Variants in EDF1 observed in about 807,000 individuals in gnomAD.
EDF1 encodes endothelial differentiation-related factor 1.
In EDF1, 5 loss-of-function variants were observed where a neutral mutation model predicts 20.8. The ratio of observed to expected loss-of-function variants is 0.24; its 90% CI spans 0.13 to 0.51. The LOEUF (loss-of-function observed/expected upper bound fraction) is 0.51. EDF1 is among the 20% of genes least tolerant of loss of function. The pLI is 0.97. For missense variants in EDF1, 137 were observed against 197.8 expected (o/e 0.69, Z 1.84); for synonymous variants, 96 against 78.5 (o/e 1.22, Z -1.18).
At position 136,863,823 on chromosome 9, in the gene EDF1, T is replaced by C; in HGVS notation, c.127A>G (p.Lys43Glu). ...RRGEDVETSK[K>E]WAAGQNKQHS... ...AAGCGGAAACACAAGTACCTACATTTCTTGGAAGTCTCCACATCTTCTCCT... is the reference window on the plus strand; with the variant it reads ...AAGCGGAAACACAAGTACCTACATTCCTTGGAAGTCTCCACATCTTCTCCT... Residue 43 changes from lysine to glutamate, a missense_variant, in exon 2 of 5, where the codon AAA becomes GAA. Coordinates refer to ENST00000224073, the MANE Select transcript of EDF1 (RefSeq NM_003792.4). This position sits in a 1 kb window ranked among gnomAD's most constrained non-coding sequence, Gnocchi z 4.5. The C allele has an allele frequency of 6.2e-7, 1 of 1,613,916 alleles. No homozygotes were observed. Among genetic ancestry groups the C allele is most frequent in the Non-Finnish European group, 8.5e-7 (1 of 1,179,974 alleles).
intron 1 of EDF1, among the ~76,000 whole-genome samples, chr9:136,865,396 A>G (rs1015746169): frequency 1.3e-5 from 2 of 151,984 alleles, no homozygotes; most frequent in Non-Finnish European, 2.9e-5. Flanking sequence ...CTCCCTGGGC[A>G]GTATCTGACC....
rs561693227 is a variant in EDF1 at position 136,862,189 on chromosome 9, T to C, written c.*95A>G. 7 of 1,530,392 alleles carry C rather than the reference T, an allele frequency of 4.6e-6. No homozygotes were observed. The highest frequency in any genetic ancestry group is 6.3e-6 in the Non-Finnish European group (7 of 1,106,800). The allele number at this position is 1,530,392 out of a possible 1,614,324, so 94.8% of individuals were successfully genotyped here. ...AGGGTCCCCCGCAAGCTGGACCCCT[T>C]GTTCCGTTCGGCCCGTGAGGAGAAC... On this transcript the variant is annotated 3_prime_UTR_variant, in exon 5 of 5. Coordinates refer to ENST00000224073, the MANE Select transcript of EDF1 (RefSeq NM_003792.4). The surrounding 1 kb of genome is among the most constrained non-coding windows in gnomAD (Gnocchi z 4.1).
chr9:136,862,147 G>A lies in EDF1; in HGVS notation c.*137C>T, dbSNP rs377284890. 89 of 1,097,890 alleles carry A rather than the reference G, an allele frequency of 8.1e-5. No homozygotes were observed. In the African/African-American group the frequency reaches 1.2e-3, roughly 15 times the overall value. 68.0% of individuals were successfully genotyped at this position (1,097,890 alleles called of 1,614,324 possible). ...TTTGCAAGGTTTTGTTTGTTTGACAGCAGGAATGGGCTGGGGAGGGTCCCC... is the reference window on the plus strand; with the variant it reads ...TTTGCAAGGTTTTGTTTGTTTGACAACAGGAATGGGCTGGGGAGGGTCCCC... On this transcript the variant is annotated 3_prime_UTR_variant, in exon 5 of 5. Coordinates refer to ENST00000224073, the MANE Select transcript of EDF1 (RefSeq NM_003792.4). This position sits in a 1 kb window ranked among gnomAD's most constrained non-coding sequence, Gnocchi z 4.1.
At chr9:136,865,313 G>C (rs891904430) in intron 1 of EDF1, among the ~76,000 whole-genome samples, 1 of 152,064 alleles carries the variant, frequency 6.6e-6, no homozygotes, top group Admixed American at 6.5e-5. Flanking sequence ...TTCCACCTGT[G>C]CAACAGGGTC....
chr9:136,863,167 G>C lies in EDF1; in HGVS notation c.291+121C>G. On this transcript the variant is annotated intron_variant, in intron 3 of 4. Coordinates refer to ENST00000224073, the MANE Select transcript of EDF1 (RefSeq NM_003792.4). This position sits in a 1 kb window ranked among gnomAD's most constrained non-coding sequence, Gnocchi z 4.5. ...GAGAGCCGGGCTGACCTGGCTTCCC[G>C]AGGCATTCCCTGCAGGGGAACCAGG... is the stretch of plus-strand genomic sequence containing the variant. 3.9e-6 allele frequency: 6 copies of C among 1,530,894 alleles called. No individual in the cohort carries two copies. The highest frequency in any genetic ancestry group is 5.3e-6 in the Non-Finnish European group (6 of 1,132,344). The allele number at this position is 1,530,894 out of a possible 1,614,324, so 94.8% of individuals were successfully genotyped here.
chr9:136,862,748 T>A lies in EDF1; in HGVS notation c.385+158A>T. Reference sequence around the variant, plus strand: ...AGGCCTGCAGAGACCCCACCATCCCTCAGTCTGTACTACCTGGAGAAGCAA... The same window carrying A: ...AGGCCTGCAGAGACCCCACCATCCCACAGTCTGTACTACCTGGAGAAGCAA... On this transcript the variant is annotated intron_variant, in intron 4 of 4. Coordinates refer to ENST00000224073, the MANE Select transcript of EDF1 (RefSeq NM_003792.4). The surrounding 1 kb of genome is among the most constrained non-coding windows in gnomAD (Gnocchi z 4.1). The A allele has an allele frequency of 6.4e-7, 1 of 1,570,378 alleles. No individual in the cohort carries two copies. Among genetic ancestry groups the A allele is most frequent in the Non-Finnish European group, 8.6e-7 (1 of 1,162,088 alleles).
rs2131244584 is a variant in EDF1 at position 136,862,143 on chromosome 9, G to A, written c.*141C>T. The A allele has an allele frequency of 9.3e-7, 1 of 1,073,882 alleles. No individual in the cohort carries two copies. Among genetic ancestry groups the A allele is most frequent in the East Asian group, 2.4e-5 (1 of 42,060 alleles). The allele number at this position is 1,073,882 out of a possible 1,614,324, so 66.5% of individuals were successfully genotyped here. A position where few individuals can be genotyped will look rare whatever the true frequency, so the allele number is the denominator to read the frequency against. On this transcript the variant is annotated 3_prime_UTR_variant, in exon 5 of 5. Transcript: ENST00000224073. The surrounding 1 kb of genome is among the most constrained non-coding windows in gnomAD (Gnocchi z 4.1). ...GCGCTTTGCAAGGTTTTGTTTGTTT[G>A]ACAGCAGGAATGGGCTGGGGAGGGT...
Position 136,862,796 on chromosome 9 carries a change from G to C in EDF1, c.385+110C>G. The C allele has an allele frequency of 1.2e-6, 2 of 1,608,508 alleles. No individual in the cohort carries two copies. The highest frequency in any genetic ancestry group is 8.5e-7 in the Non-Finnish European group (1 of 1,178,720). ...CAAAGCTCCAGAATTCAGAGAACAGGGGACCCCCAGGGCCATCTTCTTCCC... is the reference window on the plus strand; with the variant it reads ...CAAAGCTCCAGAATTCAGAGAACAGCGGACCCCCAGGGCCATCTTCTTCCC... On this transcript the variant is annotated intron_variant, in intron 4 of 4. Transcript: ENST00000224073. The surrounding 1 kb of genome is among the most constrained non-coding windows in gnomAD (Gnocchi z 4.1).
chr9:136,862,856 G>C lies in EDF1; in HGVS notation c.385+50C>G. On this transcript the variant is annotated intron_variant, in intron 4 of 4. Coordinates refer to ENST00000224073, the MANE Select transcript of EDF1 (RefSeq NM_003792.4). The surrounding 1 kb of genome is among the most constrained non-coding windows in gnomAD (Gnocchi z 4.1). ...ACTCTCACCAACCCCAGCTGGGAGC[G>C]GGTAGCCTCCCTGTTCAGCGGACCC... 1.2e-6 allele frequency: 2 copies of C among 1,612,018 alleles called. No homozygotes were observed. Among genetic ancestry groups the C allele is most frequent in the Non-Finnish European group, 1.7e-6 (2 of 1,179,948 alleles).
rs1257374126 is a variant in EDF1 at position 136,863,136 on chromosome 9, G to A, written c.292-137C>T. 12 of 1,508,090 alleles carry A rather than the reference G, an allele frequency of 8.0e-6. No homozygotes were observed. Among genetic ancestry groups the A allele is most frequent in the African/African-American group, 6.9e-5 (5 of 72,808 alleles). The allele number at this position is 1,508,090 out of a possible 1,614,324, so 93.4% of individuals were successfully genotyped here. On this transcript the variant is annotated intron_variant, in intron 3 of 4. Transcript: ENST00000224073. The surrounding 1 kb of genome is among the most constrained non-coding windows in gnomAD (Gnocchi z 4.5). ...ACACGCAGCTGGGTTTTGTGCGAGA[G>A]GCAGTGAGAGCCGGGCTGACCTGGC...
In EDF1 at chr9:136,862,802, C is replaced by G; in HGVS notation, c.385+104G>C. 6.2e-7 allele frequency: 1 copy of G among 1,609,820 alleles called. No homozygotes were observed. The highest frequency in any genetic ancestry group is 8.5e-7 in the Non-Finnish European group (1 of 1,179,326). On this transcript the variant is annotated intron_variant, in intron 4 of 4. Coordinates refer to ENST00000224073, the MANE Select transcript of EDF1 (RefSeq NM_003792.4). This position sits in a 1 kb window ranked among gnomAD's most constrained non-coding sequence, Gnocchi z 4.1. ...TCCAGAATTCAGAGAACAGGGGACC[C>G]CCAGGGCCATCTTCTTCCCCCGAGT... is the stretch of plus-strand genomic sequence containing the variant.
intron 1 of EDF1, 28 bp downstream of exon 1, chr9:136,866,152 GC>G: frequency 5.1e-6 from 8 of 1,579,960 alleles, no homozygotes; most frequent in Non-Finnish European, 6.0e-6. Flanking sequence ...GCCCCGCCCG[GC>G]CCGGCCGCTC....
intron 1 of EDF1, among the ~76,000 whole-genome samples, chr9:136,864,100 A>G (rs1489294487): frequency 6.6e-6 from 1 of 152,138 alleles, no homozygotes; most frequent in African/African-American, 2.4e-5. Context: ...TGAGGCCACG[A>G]GTTCGAGACC....
At chr9:136,865,580 T>C (rs1217125555) in intron 1 of EDF1, among the ~76,000 whole-genome samples, 1 of 134,448 alleles carries the variant, frequency 7.4e-6, no homozygotes, top group African/African-American at 2.9e-5. Context: ...CCAACCCCAA[T>C]TCCCCACCTT....
Position 136,863,941 on chromosome 9 carries a change from C to T in EDF1, c.79-70G>A, listed in dbSNP as rs1412622011. 5 of 1,541,762 alleles carry T rather than the reference C, an allele frequency of 3.2e-6. No individual in the cohort carries two copies. Among genetic ancestry groups the T allele is most frequent in the Non-Finnish European group, 4.5e-6 (5 of 1,119,324 alleles). On this transcript the variant is annotated intron_variant, in intron 1 of 4. Transcript: ENST00000224073. This position sits in a 1 kb window ranked among gnomAD's most constrained non-coding sequence, Gnocchi z 4.5. ...GTATCCAGCACACACCAATTCAGGCCTGCTGTTAGCCAGTTAGCACACTGC... is the reference window on the plus strand; with the variant it reads ...GTATCCAGCACACACCAATTCAGGCTTGCTGTTAGCCAGTTAGCACACTGC...
rs748738870 is a variant in EDF1 at position 136,863,251 on chromosome 9, C to A, written c.291+37G>T. The A allele has an allele frequency of 1.0e-5, 16 of 1,595,956 alleles. No individual in the cohort carries two copies. Among genetic ancestry groups the A allele is most frequent in the Non-Finnish European group, 1.4e-5 (16 of 1,171,444 alleles). ...CACCGGCCATCCCCCTCCCCAAACC[C>A]ACAACCCCAGGAGTGAGAGCCCCGG... On this transcript the variant is annotated intron_variant, in intron 3 of 4. Coordinates refer to ENST00000224073, the MANE Select transcript of EDF1 (RefSeq NM_003792.4). This position sits in a 1 kb window ranked among gnomAD's most constrained non-coding sequence, Gnocchi z 4.5.
intron 1 of EDF1, 118 bp downstream of exon 1, chr9:136,866,063 C>T (rs1292835591): frequency 4.9e-6 from 5 of 1,017,996 alleles, no homozygotes; most frequent in African/African-American, 1.7e-5. Flanking sequence ...TTGTCCCCGT[C>T]CCCTGCGCCC....
Position 136,863,131 on chromosome 9 carries a change from C to T in EDF1, c.292-132G>A, listed in dbSNP as rs1380676349. ...CACCCACACGCAGCTGGGTTTTGTG[C>T]GAGAGGCAGTGAGAGCCGGGCTGAC... On this transcript the variant is annotated intron_variant, in intron 3 of 4. Transcript: ENST00000224073. The surrounding 1 kb of genome is among the most constrained non-coding windows in gnomAD (Gnocchi z 4.5). 12 of 1,511,362 alleles carry T rather than the reference C, an allele frequency of 7.9e-6. No individual in the cohort carries two copies. The highest frequency in any genetic ancestry group is 3.5e-5 in the Admixed American group (2 of 57,238). The allele number at this position is 1,511,362 out of a possible 1,614,324, so 93.6% of individuals were successfully genotyped here.
Position 136,862,392 on chromosome 9 carries a change from T to G in EDF1, c.386-47A>C. 1 of 1,613,252 alleles carries G rather than the reference T, an allele frequency of 6.2e-7. No individual in the cohort carries two copies. The highest frequency in any genetic ancestry group is 8.5e-7 in the Non-Finnish European group (1 of 1,179,882). On this transcript the variant is annotated intron_variant, in intron 4 of 4. Transcript: ENST00000224073. This position sits in a 1 kb window ranked among gnomAD's most constrained non-coding sequence, Gnocchi z 4.1. ...GGCCACTGCAGCACCAGCTCCCTCC[T>G]CCCCCCAACGCTGCCCCTCTTCAAC...
Sources: gnomAD v4.1 joint callset for allele counts (sites outside exome capture counted in the v4.1 genomes callset) on GRCh38, gnomAD v4.1.1 for gene constraint, Gnocchi (gnomAD v3.1) non-coding constraint, MANE v1.5 for transcripts, NCBI Gene and HGNC (gene_info 2026-07-23, HGNC 2026-07-21) for gene names.